Variants in RBFOX1 observed in about 807,000 individuals in gnomAD.
RBFOX1 encodes the protein RNA binding fox-1 homolog 1.
RBFOX1 carries 8 observed loss-of-function variants against 57.7 expected under a neutral mutation model. That is an observed-to-expected ratio of 0.14 (90% CI 0.08 to 0.25). RBFOX1 has a LOEUF of 0.25. Among genes scored for constraint, RBFOX1 ranks in the 10% least tolerant of loss-of-function variants. RBFOX1 has a pLI of 1.00. For synonymous variants in RBFOX1, 326 were observed against 222.4 expected, an observed-to-expected ratio of 1.47 and a Z score of -4.15; for missense variants, 611 against 548.5, an observed-to-expected ratio of 1.11 and a Z score of -1.14.
chr16:5,416,491 A>C (rs1008710488), intron 1 of RBFOX1, among the ~76,000 whole-genome samples: 4 of 152,104 alleles, frequency 2.6e-5, no homozygotes, highest in Non-Finnish European at 5.9e-5. Context: ...AGCTTTTTCC[A>C]TACTGGGCTA....
intron 2 of RBFOX1, among the ~76,000 whole-genome samples, chr16:5,536,601 C>G (rs567889081): frequency 6.6e-6 from 1 of 151,862 alleles, no homozygotes. Flanking sequence ...TTTCCAGGGA[C>G]GAAGGGTTTG....
chr16:6,916,635 G>A (rs540155851), intron 3 of RBFOX1, among the ~76,000 whole-genome samples: 2 of 152,152 alleles, frequency 1.3e-5, no homozygotes, highest in East Asian at 3.9e-4. Flanking sequence ...TCTGGCTTGT[G>A]TTTTTCTGGA....
At chr16:5,831,677 C>T (rs1166513814) in intron 3 of RBFOX1, among the ~76,000 whole-genome samples, 8 of 151,836 alleles carry the variant, frequency 5.3e-5, no homozygotes, top group South Asian at 2.1e-4. Context: ...TTGGTAGAGA[C>T]GGGGTTTCAC....
intron 1 of RBFOX1, among the ~76,000 whole-genome samples, chr16:6,205,152 T>C (rs968571173): frequency 6.6e-6 from 1 of 152,212 alleles, no homozygotes; most frequent in Non-Finnish European, 1.5e-5. Context: ...ATTAGTGTGC[T>C]AGCAATTTGT....
chr16:5,862,988 C>T (rs1368802477), intron 3 of RBFOX1, among the ~76,000 whole-genome samples: 1 of 152,070 alleles, frequency 6.6e-6, no homozygotes, highest in East Asian at 1.9e-4. Context: ...GTGTGGGAGT[C>T]CCAGGAGGGA....
chr16:5,545,265 C>A (rs143584226), intron 2 of RBFOX1, among the ~76,000 whole-genome samples: 1 of 150,700 alleles, frequency 6.6e-6, no homozygotes, highest in Non-Finnish European at 1.5e-5. Context: ...GCTGTGAGCA[C>A]GCCCTGCCCT....
At chr16:6,826,252 C>T (rs139336134) in intron 3 of RBFOX1, among the ~76,000 whole-genome samples, 18 of 152,198 alleles carry the variant, frequency 1.2e-4, no homozygotes, top group Non-Finnish European at 2.5e-4. Context: ...TGCCTTGTAC[C>T]TGTAATCCCA....
At chr16:6,602,843 C>T (rs371400415) in intron 2 of RBFOX1, among the ~76,000 whole-genome samples, 2 of 152,130 alleles carry the variant, frequency 1.3e-5, no homozygotes, top group Admixed American at 6.5e-5. Context: ...ATGCCCCACA[C>T]ACCCCCACCA....
intron 3 of RBFOX1, among the ~76,000 whole-genome samples, chr16:6,992,409 G>C (rs1400160792): frequency 6.6e-6 from 1 of 151,970 alleles, no homozygotes; most frequent in Non-Finnish European, 1.5e-5. Flanking sequence ...GTAGAGACGG[G>C]GTTTCACCAT....
chr16:6,354,290 T>A (rs1488196611), intron 2 of RBFOX1, among the ~76,000 whole-genome samples: 1 of 152,098 alleles, frequency 6.6e-6, no homozygotes, highest in African/African-American at 2.4e-5. Context: ...CCGAAACATG[T>A]TTCAGAGAGC....
chr16:7,164,830 C>G (rs990476268), intron 4 of RBFOX1, among the ~76,000 whole-genome samples: 1 of 152,076 alleles, frequency 6.6e-6, no homozygotes, highest in Non-Finnish European at 1.5e-5. Flanking sequence ...TGCTGTTGTA[C>G]TTCTTTGTAG....
chr16:6,768,137 C>T (rs957771548), intron 3 of RBFOX1, among the ~76,000 whole-genome samples: 1 of 151,800 alleles, frequency 6.6e-6, no homozygotes, highest in East Asian at 1.9e-4. Context: ...GCAGAGGTTG[C>T]AGTGAGCAGA....
At chr16:6,355,516 T>G (rs1351308494) in intron 2 of RBFOX1, among the ~76,000 whole-genome samples, 2 of 152,232 alleles carry the variant, frequency 1.3e-5, no homozygotes, top group African/African-American at 2.4e-5. Flanking sequence ...TGCCACATTT[T>G]CTTCATCCAG....
intron 1 of RBFOX1, among the ~76,000 whole-genome samples, chr16:6,129,879 T>C (rs981239301): frequency 6.6e-6 from 1 of 151,998 alleles, no homozygotes; most frequent in Admixed American, 6.6e-5. Context: ...TCATATGACA[T>C]CTTTAAAGTT....
intron 3 of RBFOX1, among the ~76,000 whole-genome samples, chr16:6,893,346 A>G (rs1395858664): frequency 1.3e-5 from 2 of 152,220 alleles, no homozygotes; most frequent in Non-Finnish European, 2.9e-5. Flanking sequence ...TCATCTAAAA[A>G]TACACGATCA....
At chr16:5,905,820 C>A (rs141274178) in intron 4 of RBFOX1, among the ~76,000 whole-genome samples, 1 of 152,158 alleles carries the variant, frequency 6.6e-6, no homozygotes, top group Non-Finnish European at 1.5e-5. Flanking sequence ...TGATCCACTC[C>A]CAAGCCCCAG....
At chr16:7,236,661 T>C (rs2093782679) in intron 4 of RBFOX1, among the ~76,000 whole-genome samples, 1 of 152,248 alleles carries the variant, frequency 6.6e-6, no homozygotes, top group Non-Finnish European at 1.5e-5. Context: ...TTAGTAGTTG[T>C]TTGCAGAAGT....
At chr16:7,275,411 T>C (rs758081159) in intron 4 of RBFOX1, among the ~76,000 whole-genome samples, 2 of 152,228 alleles carry the variant, frequency 1.3e-5, no homozygotes, top group Non-Finnish European at 2.9e-5. Context: ...ATTTATCAAA[T>C]ATTTATCAGC....
intron 1 of RBFOX1, among the ~76,000 whole-genome samples, chr16:5,385,198 C>T (rs2066226619): frequency 6.6e-6 from 1 of 152,210 alleles, no homozygotes; most frequent in Admixed American, 6.5e-5. Flanking sequence ...CACCACCCTG[C>T]AGGGTTACAC....
Sources: allele counts gnomAD v4.1 joint callset (sites outside exome capture counted in the v4.1 genomes callset), GRCh38; gene constraint gnomAD v4.1.1; transcripts MANE v1.5; gene names NCBI Gene and HGNC (gene_info 2026-07-23, HGNC 2026-07-21).